The following MDGA2 variants were observed in gnomAD, a reference collection of about 807,000 sequenced individuals.
The protein encoded by MDGA2 is MAM domain containing glycosylphosphatidylinositol anchor 2, also known as MAM domain-containing glycosylphosphatidylinositol anchor protein 2.
Under a neutral mutation model 117.8 loss-of-function variants are expected in MDGA2, and 40 were observed. The ratio of observed to expected loss-of-function variants is 0.34; its 90% CI spans 0.26 to 0.44. The LOEUF is 0.44. Ranked by LOEUF, MDGA2 falls within the 20% of genes least tolerant of loss-of-function variation. The pLI is 1.00. For missense variants in MDGA2, 1,123 were observed against 1,250.6 expected, an observed-to-expected ratio of 0.90 and a Z score of 1.54; for synonymous variants, 452 against 439.0, an observed-to-expected ratio of 1.03 and a Z score of -0.37.
intron 1 of MDGA2, among the ~76,000 whole-genome samples, chr14:47,384,435 G>A (rs4492965): frequency 1 from 151,755 of 151,906 alleles, 75,802 homozygotes; most frequent in Non-Finnish European, 1. Flanking sequence ...TCAAGCAGCA[G>A]TTTTCCAGGA....
chr14:47,567,894 G>A (rs991576095), intron 1 of MDGA2, among the ~76,000 whole-genome samples: 1 of 151,856 alleles, frequency 6.6e-6, no homozygotes, highest in African/African-American at 2.4e-5. Flanking sequence ...CTAAAACCTC[G>A]TATTCCTCTG....
At chr14:47,019,193 A>C (rs903273672) in intron 8 of MDGA2, among the ~76,000 whole-genome samples, 1 of 152,234 alleles carries the variant, frequency 6.6e-6, no homozygotes, top group African/African-American at 2.4e-5. Context: ...AAAAGAATGA[A>C]GCATTAAAAA....
chr14:47,200,918 T>A, intron 3 of MDGA2: 1 of 847,656 alleles, frequency 1.2e-6, no homozygotes, highest in Non-Finnish European at 2.0e-6. Context: ...CTTGGTCTTG[T>A]GGGGCAGCAA....
At chr14:47,440,753 T>A in intron 1 of MDGA2, among the ~76,000 whole-genome samples, 1 of 152,064 alleles carries the variant, frequency 6.6e-6, no homozygotes, top group Non-Finnish European at 1.5e-5. Flanking sequence ...GATCTTCCTC[T>A]CACTCTAGGG....
chr14:47,055,002 C>CTTTTT (rs10640408), intron 7 of MDGA2, among the ~76,000 whole-genome samples: 2 of 125,664 alleles, frequency 1.6e-5, no homozygotes, highest in Non-Finnish European at 3.2e-5. Flanking sequence ...TTTTTCTTTT[C>CTTTTT]TTTTTTTTTT....
intron 1 of MDGA2, chr14:47,343,092 C>A (rs1594807805): frequency 1.6e-6 from 2 of 1,266,288 alleles, no homozygotes; most frequent in Non-Finnish European, 2.0e-6. Flanking sequence ...AACATGGAAG[C>A]CTCACCTTGA....
chr14:47,263,608 G>C (rs906301814), intron 2 of MDGA2, among the ~76,000 whole-genome samples: 2 of 152,012 alleles, frequency 1.3e-5, no homozygotes, highest in African/African-American at 4.8e-5. Flanking sequence ...CAAAGAGCTA[G>C]AAAGTTCCAA....
At chr14:47,019,134 T>C (rs1888193075) in intron 8 of MDGA2, among the ~76,000 whole-genome samples, 1 of 152,190 alleles carries the variant, frequency 6.6e-6, no homozygotes, top group Non-Finnish European at 1.5e-5. Context: ...CTTTCAAATT[T>C]GAATACTGAT....
At chr14:47,624,097 T>C (rs1231807221) in intron 1 of MDGA2, among the ~76,000 whole-genome samples, 8 of 152,216 alleles carry the variant, frequency 5.3e-5, no homozygotes, top group Non-Finnish European at 2.9e-5. Context: ...AATTTAATCA[T>C]TGTAATTTGT....
intron 1 of MDGA2, among the ~76,000 whole-genome samples, chr14:47,476,688 T>A (rs1893847809): frequency 6.6e-6 from 1 of 152,188 alleles, no homozygotes; most frequent in African/African-American, 2.4e-5. Flanking sequence ...CCCTAATTCA[T>A]GTTTTATAAA....
chr14:47,448,245 G>A lies in MDGA2; in HGVS notation c.281-146695C>T, dbSNP rs544735795. Among the ~76,000 whole-genome samples, 95 of 151,962 alleles carry A rather than the reference G, an allele frequency of 6.3e-4. 1 individual carries two copies. The highest frequency in any genetic ancestry group is 2.2e-3 in the African/African-American group (91 of 41,442). ...TGCTCACTGCAACCTCCACCTCCTC[G>A]GTTCAAGCAATTCTCATGCCTCAAC... On this transcript the variant is annotated intron_variant, in intron 1 of 16. Transcript: ENST00000399232.
At chr14:47,454,613 T>C (rs544620246) in intron 1 of MDGA2, among the ~76,000 whole-genome samples, 17 of 152,334 alleles carry the variant, frequency 1.1e-4, no homozygotes, top group African/African-American at 3.8e-4. Context: ...TTTACACATG[T>C]ACCTGATTCT....
Position 47,084,256 on chromosome 14 carries a change from T to C in MDGA2, c.1195+12598A>G, listed in dbSNP as rs530002002. On this transcript the variant is annotated intron_variant, in intron 6 of 16. Transcript: ENST00000399232. ...AGTGACAGAGAGATTATAGGAAATC[T>C]CCAAATTCTTGGAAACTGAACAACA... 2.0e-5 allele frequency among the ~76,000 whole-genome samples: 3 copies of C among 152,112 alleles called. 1 individual carries two copies. The highest frequency in any genetic ancestry group is 7.2e-5 in the African/African-American group (3 of 41,508).
intron 3 of MDGA2, among the ~76,000 whole-genome samples, chr14:47,178,422 A>G (rs779606263): frequency 6.6e-6 from 1 of 152,144 alleles, no homozygotes; most frequent in Non-Finnish European, 1.5e-5. Flanking sequence ...TATGCCTGGA[A>G]ACCTTTGACT....
At chr14:47,244,397 A>G (rs144355173) in intron 2 of MDGA2, among the ~76,000 whole-genome samples, 20 of 151,876 alleles carry the variant, frequency 1.3e-4, no homozygotes, top group Non-Finnish European at 1.5e-5. Context: ...TTTTATTTAT[A>G]TATCTGTCTT....
chr14:47,454,175 A>G (rs77602977), intron 1 of MDGA2, among the ~76,000 whole-genome samples: 48,605 of 151,720 alleles, frequency 0.32, 8,224 homozygotes, highest in East Asian at 0.58. Context: ...GATCCAAGTG[A>G]TTGATTGACA....
chr14:47,563,210 C>A (rs181637260), intron 1 of MDGA2, among the ~76,000 whole-genome samples: 1 of 152,112 alleles, frequency 6.6e-6, no homozygotes, highest in African/African-American at 2.4e-5. Flanking sequence ...AATGTATATT[C>A]TGTTGTTTTT....
At chr14:47,173,554 T>C (rs1307190567) in intron 3 of MDGA2, among the ~76,000 whole-genome samples, 2 of 152,088 alleles carry the variant, frequency 1.3e-5, no homozygotes, top group African/African-American at 4.8e-5. Context: ...ACACTAAGCT[T>C]CATAAGTGAA....
intron 8 of MDGA2, among the ~76,000 whole-genome samples, chr14:47,024,137 A>AT (rs1386716085): frequency 6.6e-6 from 1 of 152,200 alleles, no homozygotes; most frequent in African/African-American, 2.4e-5. Context: ...ACATCACTGC[A>AT]TTCATACATA....
Sources: gnomAD v4.1 joint callset for allele counts (sites outside exome capture counted in the v4.1 genomes callset) on GRCh38, gnomAD v4.1.1 for gene constraint, MANE v1.5 for transcripts, NCBI Gene and HGNC (gene_info 2026-07-23, HGNC 2026-07-21) for gene names.